Variants in LRRC28 observed in about 807,000 individuals in gnomAD.
LRRC28 encodes leucine rich repeat containing 28, also known as leucine-rich repeat-containing protein 28.
Under a neutral mutation model 45.7 loss-of-function variants are expected in LRRC28, and 39 were observed. The observed-to-expected ratio is 0.85, with a 90% confidence interval of 0.66 to 1.12. The LOEUF (loss-of-function observed/expected upper bound fraction) is 1.12. Ranked by LOEUF, LRRC28 falls within the 50% of genes most tolerant of loss-of-function variation. The pLI is 0.00. For missense variants in LRRC28, 435 were observed against 438.5 expected (o/e 0.99, Z 0.07); for synonymous variants, 206 against 178.8 (o/e 1.15, Z -1.22).
chr15:99,296,365 A>G (rs572996891), intron 5 of LRRC28, among the ~76,000 whole-genome samples: 2 of 152,320 alleles, frequency 1.3e-5, no homozygotes, highest in East Asian at 3.9e-4. Context: ...TGAATCCTCA[A>G]AACACGCAGT....
At chr15:99,385,822 AAAAT>A (rs1239631945) in intron 9 of LRRC28, among the ~76,000 whole-genome samples, 2 of 152,174 alleles carry the variant, frequency 1.3e-5, no homozygotes, top group African/African-American at 4.8e-5. Flanking sequence ...GAACATTCAA[AAAAT>A]AAATAAATAA....
At position 99,369,076 on chromosome 15, in the gene LRRC28, A is replaced by T. The variant is rs559128242; in HGVS notation, c.1031+5811A>T. Among the ~76,000 whole-genome samples, 4 of 152,290 alleles carry T rather than the reference A, an allele frequency of 2.6e-5. No homozygotes were observed. The East Asian group carries it at 7.7e-4, about 29-fold the overall frequency. On this transcript the variant is annotated intron_variant, in intron 9 of 9. Coordinates refer to ENST00000301981, the MANE Select transcript of LRRC28 (RefSeq NM_144598.5). Reference sequence around the variant, plus strand: ...AGGATCACCTTTCTTCCAGTTTCCAATAATACATTCCTCATTTGCAGTCTG... The same window carrying T: ...AGGATCACCTTTCTTCCAGTTTCCATTAATACATTCCTCATTTGCAGTCTG...
chr15:99,339,726 A>C (rs1371101371), intron 6 of LRRC28, among the ~76,000 whole-genome samples: 1 of 152,106 alleles, frequency 6.6e-6, no homozygotes, highest in Non-Finnish European at 1.5e-5. Context: ...AAAAAAAAAA[A>C]AAGCGATTGA....
chr15:99,350,477 A>C (rs1005738602), intron 6 of LRRC28, among the ~76,000 whole-genome samples: 12 of 152,242 alleles, frequency 7.9e-5, no homozygotes, highest in Non-Finnish European at 1.3e-4. Flanking sequence ...TTTGTGAAGC[A>C]AAAGACCTTC....
intron 6 of LRRC28, among the ~76,000 whole-genome samples, chr15:99,335,872 G>A (rs971346420): frequency 1.3e-5 from 2 of 152,112 alleles, no homozygotes; most frequent in African/African-American, 2.4e-5. Flanking sequence ...GATAAAGGAT[G>A]TGATGGTTTG....
rs2080957879 is a variant in LRRC28 at position 99,254,464 on chromosome 15, T to C, written c.-60-1434T>C. Among the ~76,000 whole-genome samples the C allele has an allele frequency of 4.6e-5, 7 of 152,334 alleles. No individual in the cohort carries two copies. The South Asian group carries it at 1.4e-3, about 32-fold the overall frequency. ...GGTATTAATTCCCAGTGAAAATCAC[T>C]TTCCTTAAGAAAAAAAATTATTGAA... is the stretch of plus-strand genomic sequence containing the variant. On this transcript the variant is annotated intron_variant, in intron 1 of 9. Coordinates refer to ENST00000301981, the MANE Select transcript of LRRC28 (RefSeq NM_144598.5).
At chr15:99,378,378 C>T (rs1477141526) in intron 9 of LRRC28, among the ~76,000 whole-genome samples, 6 of 152,140 alleles carry the variant, frequency 3.9e-5, no homozygotes, top group African/African-American at 1.4e-4. Flanking sequence ...GTGATTTTTG[C>T]ACATTGATTT....
At chr15:99,252,364 T>C (rs1209365906) in intron 1 of LRRC28, among the ~76,000 whole-genome samples, 3 of 152,242 alleles carry the variant, frequency 2.0e-5, no homozygotes, top group Non-Finnish European at 4.4e-5. Flanking sequence ...AGATTTTATC[T>C]CCCAAACAGC....
chr15:99,285,551 G>T, intron 3 of LRRC28: 1 of 1,018,190 alleles, frequency 9.8e-7, no homozygotes, highest in Non-Finnish European at 1.5e-6. Context: ...AGCTGTTCGG[G>T]CTCTTTAGGA....
At chr15:99,286,326 T>A (rs903060693) in intron 3 of LRRC28, among the ~76,000 whole-genome samples, 1 of 152,118 alleles carries the variant, frequency 6.6e-6, no homozygotes, top group African/African-American at 2.4e-5. Flanking sequence ...GAGATGGGGT[T>A]TCACCTTGTT....
chr15:99,347,612 T>C (rs1028565827), intron 6 of LRRC28, among the ~76,000 whole-genome samples: 3 of 152,260 alleles, frequency 2.0e-5, no homozygotes, highest in Admixed American at 6.5e-5. Flanking sequence ...CATAAATCTT[T>C]CTTTTTTAAG....
intron 5 of LRRC28, among the ~76,000 whole-genome samples, chr15:99,301,533 C>A (rs893404915): frequency 6.6e-6 from 1 of 152,148 alleles, no homozygotes; most frequent in Non-Finnish European, 1.5e-5. Flanking sequence ...AAGGCAAAAG[C>A]CTATAAAATT....
In LRRC28 at chr15:99,304,970, A is replaced by G. The variant is rs138549308; in HGVS notation, c.385+17019A>G. 6.4e-3 allele frequency among the ~76,000 whole-genome samples: 981 copies of G among 152,172 alleles called. 9 individuals are homozygous for G. The highest frequency in any genetic ancestry group is 0.01 in the Middle Eastern group (3 of 294). On this transcript the variant is annotated intron_variant, in intron 5 of 9. Transcript: ENST00000301981. ...CACAACAATGTGCCTCTTTTCAACA[A>G]TATAGGGAGATACTTGAGACTGTGT...
intron 3 of LRRC28, among the ~76,000 whole-genome samples, chr15:99,281,637 T>C (rs2081794841): frequency 6.6e-6 from 1 of 152,248 alleles, no homozygotes. Flanking sequence ...GCATGTCTAA[T>C]ACTTTTTGAT....
chr15:99,267,817 A>G (rs1272533649), intron 2 of LRRC28, among the ~76,000 whole-genome samples: 3 of 152,208 alleles, frequency 2.0e-5, no homozygotes, highest in Admixed American at 6.5e-5. Flanking sequence ...ATTCCTTGTC[A>G]GTAATGTGAA....
chr15:99,291,213 G>A lies in LRRC28; in HGVS notation c.385+3262G>A, dbSNP rs554214064. 7.2e-5 allele frequency among the ~76,000 whole-genome samples: 11 copies of A among 152,178 alleles called. No individual in the cohort carries two copies. In the South Asian group the frequency reaches 1.9e-3, roughly 26 times the overall value. On this transcript the variant is annotated intron_variant, in intron 5 of 9. Transcript: ENST00000301981. ...ATCTCACCTGTTACACAAGAAATTCGAGGCATATACTTGTGATTTTATTTT... is the reference window on the plus strand; with the variant it reads ...ATCTCACCTGTTACACAAGAAATTCAAGGCATATACTTGTGATTTTATTTT...
intron 5 of LRRC28, among the ~76,000 whole-genome samples, chr15:99,305,522 T>C (rs1476753799): frequency 6.6e-6 from 1 of 152,160 alleles, no homozygotes; most frequent in African/African-American, 2.4e-5. Context: ...ACAAAATGTT[T>C]ATAAGAAAAA....
At chr15:99,303,902 C>T (rs917825854) in intron 5 of LRRC28, among the ~76,000 whole-genome samples, 2 of 151,936 alleles carry the variant, frequency 1.3e-5, no homozygotes, top group African/African-American at 4.8e-5. Context: ...AAAGACAGAG[C>T]ATTGTCCCCC....
At chr15:99,349,623 A>G (rs541959102) in intron 6 of LRRC28, among the ~76,000 whole-genome samples, 2 of 152,340 alleles carry the variant, frequency 1.3e-5, no homozygotes, top group Admixed American at 6.5e-5. Flanking sequence ...AAAATACACC[A>G]TCAGCTAAGT....
Sources: allele counts gnomAD v4.1 joint callset (sites outside exome capture counted in the v4.1 genomes callset), GRCh38; gene constraint gnomAD v4.1.1; transcripts MANE v1.5; gene names NCBI Gene and HGNC (gene_info 2026-07-23, HGNC 2026-07-21).